Variants in LRRC28 observed in about 807,000 individuals in gnomAD.
The protein encoded by LRRC28 is leucine rich repeat containing 28.
LRRC28 carries 39 observed loss-of-function variants against 45.7 expected under a neutral mutation model. The ratio of observed to expected loss-of-function variants is 0.85; its 90% CI spans 0.66 to 1.12. LRRC28 has a LOEUF of 1.12. LRRC28 is among the 50% of genes most tolerant of loss of function. The pLI is 0.00. For synonymous variants in LRRC28, 206 were observed against 178.8 expected, an observed-to-expected ratio of 1.15 and a Z score of -1.22; for missense variants, 435 against 438.5, an observed-to-expected ratio of 0.99 and a Z score of 0.07.
At chr15:99,339,752 C>G (rs929636700) in intron 6 of LRRC28, among the ~76,000 whole-genome samples, 1 of 150,846 alleles carries the variant, frequency 6.6e-6, no homozygotes, top group African/African-American at 2.4e-5. Flanking sequence ...TAATCAGGAA[C>G]GTTTAGCACA....
At chr15:99,266,040 G>A (rs1478863598) in intron 2 of LRRC28, among the ~76,000 whole-genome samples, 1 of 152,118 alleles carries the variant, frequency 6.6e-6, no homozygotes, top group African/African-American at 2.4e-5. Flanking sequence ...AGGGGAGTTT[G>A]GCTTATAGCT....
intron 9 of LRRC28, among the ~76,000 whole-genome samples, chr15:99,385,042 G>C (rs550493524): frequency 2.0e-5 from 3 of 152,172 alleles, no homozygotes; most frequent in Non-Finnish European, 4.4e-5. Flanking sequence ...TTAATCCTTG[G>C]GCCTGAAGGG....
Position 99,361,366 on chromosome 15 carries a change from G to A in LRRC28, c.726G>A (p.Val242=). 6.2e-7 allele frequency: 1 copy of A among 1,613,564 alleles called. No homozygotes were observed. The change falls in exon 8 of 10, where the codon GTG becomes GTA. Residue 242 remains valine, a synonymous_variant. Coordinates refer to ENST00000301981, the MANE Select transcript of LRRC28 (RefSeq NM_144598.5). ...GCGAPIQVSE[V]KLLSFSSGQR... is the part of the protein sequence containing the mutation. ...GTGCTCCCATTCAAGTTTCCGAGGT[G>A]AAGCTGCTTTCCTTTTCATCAGGGC...
At chr15:99,348,139 C>T (rs538747424) in intron 6 of LRRC28, among the ~76,000 whole-genome samples, 38 of 152,196 alleles carry the variant, frequency 2.5e-4, no homozygotes, top group African/African-American at 6.7e-4. Context: ...TCTGCTATTA[C>T]GTTATAAGAG....
intron 7 of LRRC28, among the ~76,000 whole-genome samples, chr15:99,354,714 A>C (rs895470239): frequency 1.3e-5 from 2 of 152,202 alleles, no homozygotes; most frequent in Non-Finnish European, 2.9e-5. Context: ...CAAACCCTAA[A>C]TAATTTAACA....
intron 5 of LRRC28, among the ~76,000 whole-genome samples, chr15:99,289,920 A>G (rs1418180290): frequency 3.2e-5 from 4 of 123,602 alleles, no homozygotes; most frequent in Non-Finnish European, 4.9e-5. Flanking sequence ...GGCCTGGGCG[A>G]CAGAGCAAGA....
chr15:99,297,912 T>C (rs2082306518), intron 5 of LRRC28, among the ~76,000 whole-genome samples: 1 of 151,828 alleles, frequency 6.6e-6, no homozygotes, highest in African/African-American at 2.4e-5. Flanking sequence ...AGAAAAAAGG[T>C]TTTGTTTTCT....
chr15:99,306,314 T>C (rs1434775794), intron 5 of LRRC28, among the ~76,000 whole-genome samples: 1 of 152,208 alleles, frequency 6.6e-6, no homozygotes, highest in Admixed American at 6.5e-5. Context: ...AATGGACCGA[T>C]GGGGATTTGA....
At chr15:99,348,613 T>C (rs1385019018) in intron 6 of LRRC28, among the ~76,000 whole-genome samples, 1 of 152,144 alleles carries the variant, frequency 6.6e-6, no homozygotes, top group Non-Finnish European at 1.5e-5. Flanking sequence ...TTGGTCTAGG[T>C]TTCTGTTTTT....
intron 9 of LRRC28, among the ~76,000 whole-genome samples, chr15:99,377,863 C>T (rs1383037297): frequency 1.4e-3 from 205 of 150,768 alleles, no homozygotes; most frequent in African/African-American, 4.1e-3. Flanking sequence ...AGATGTGTGG[C>T]ATTATTTCTG....
intron 3 of LRRC28, chr15:99,285,477 A>G: frequency 1.1e-6 from 1 of 913,298 alleles, no homozygotes; most frequent in Non-Finnish European, 1.8e-6. Flanking sequence ...CCCATTGCTC[A>G]GAGTGACTCC....
At chr15:99,273,517 G>A (rs903463332) in intron 2 of LRRC28, among the ~76,000 whole-genome samples, 33 of 152,006 alleles carry the variant, frequency 2.2e-4, no homozygotes, top group African/African-American at 7.5e-4. Context: ...GATTACAGGC[G>A]TGAGCCACCG....
intron 3 of LRRC28, among the ~76,000 whole-genome samples, chr15:99,280,668 G>A (rs1465134610): frequency 6.6e-6 from 1 of 152,068 alleles, no homozygotes; most frequent in African/African-American, 2.4e-5. Flanking sequence ...TTAAGGGTTT[G>A]ATTTAGGTGT....
At position 99,289,881 on chromosome 15, in the gene LRRC28, C is replaced by T. The variant is rs1325087388; in HGVS notation, c.385+1930C>T. Among the ~76,000 whole-genome samples, 19 of 134,000 alleles carry T rather than the reference C, an allele frequency of 1.4e-4. 1 individual carries two copies. In the Middle Eastern group the frequency reaches 0.014, roughly 97 times the overall value. 87.9% of individuals were successfully genotyped at this position (134,000 alleles called of 152,430 possible). A position where few individuals can be genotyped will look rare whatever the true frequency, so the allele number is the denominator to read the frequency against. On this transcript the variant is annotated intron_variant, in intron 5 of 9. Transcript: ENST00000301981. The stretch of plus-strand genomic sequence containing the variant: ...CCGGGAAGCGGAGCTTGCAGTGAGC[C>T]GAGATTGCGCCACTGCAGTCCGCAG...
At chr15:99,334,459 A>C (rs1956258849) in intron 6 of LRRC28, among the ~76,000 whole-genome samples, 1 of 151,188 alleles carries the variant, frequency 6.6e-6, no homozygotes, top group African/African-American at 2.4e-5. Context: ...GAACAATATG[A>C]AAAGATAGCT....
intron 5 of LRRC28, among the ~76,000 whole-genome samples, chr15:99,309,628 T>C (rs1597311135): frequency 6.6e-6 from 1 of 152,174 alleles, no homozygotes; most frequent in Non-Finnish European, 1.5e-5. Flanking sequence ...AGGCTGGTCT[T>C]GAACTCCTGA....
intron 6 of LRRC28, among the ~76,000 whole-genome samples, 197 bp from the exon 7 acceptor site, chr15:99,352,172 C>G (rs1173916406): frequency 1.3e-5 from 2 of 152,104 alleles, no homozygotes; most frequent in African/African-American, 4.8e-5. Flanking sequence ...AAAGTTTGGC[C>G]AAGCAAAGAA....
At chr15:99,340,909 C>G (rs1399307367) in intron 6 of LRRC28, among the ~76,000 whole-genome samples, 3 of 152,000 alleles carry the variant, frequency 2.0e-5, no homozygotes, top group Non-Finnish European at 2.9e-5. Context: ...AGTCAGTTAA[C>G]AAAAATCCAT....
intron 5 of LRRC28, among the ~76,000 whole-genome samples, chr15:99,297,493 G>C (rs1218844696): frequency 2.0e-5 from 3 of 150,258 alleles, no homozygotes; most frequent in Non-Finnish European, 4.4e-5. Context: ...CAAACTCCTG[G>C]CCTCAAGTGA....
Sources: allele counts gnomAD v4.1 joint callset (sites outside exome capture counted in the v4.1 genomes callset), GRCh38; gene constraint gnomAD v4.1.1; transcripts MANE v1.5; gene names NCBI Gene and HGNC (gene_info 2026-07-23, HGNC 2026-07-21).